Variants in KIF26B observed in about 807,000 individuals in gnomAD.
KIF26B encodes the protein kinesin-like protein KIF26B.
KIF26B carries 63 observed loss-of-function variants against 151.2 expected under a neutral mutation model. The observed-to-expected ratio is 0.42, with a 90% CI of 0.34 to 0.51. The LOEUF (loss-of-function observed/expected upper bound fraction) is 0.51. Ranked by LOEUF, KIF26B falls within the 20% of genes least tolerant of loss-of-function variation. The pLI, the probability that KIF26B is intolerant of heterozygous loss-of-function variation, is 0.07. For missense variants in KIF26B, 2,813 were observed against 2,913.6 expected (o/e 0.97, Z 0.79); for synonymous variants, 1,357 against 1,262.1 (o/e 1.08, Z -1.59).
chr1:245,636,872 G>A (rs887339810), intron 9 of KIF26B, among the ~76,000 whole-genome samples: 4 of 151,716 alleles, frequency 2.6e-5, no homozygotes, highest in African/African-American at 4.8e-5. Context: ...GTGTGTGTGT[G>A]TGTGTGTGTG....
At chr1:245,613,432 G>C (rs1030839671) in intron 9 of KIF26B, among the ~76,000 whole-genome samples, 1 of 151,886 alleles carries the variant, frequency 6.6e-6, no homozygotes, top group Non-Finnish European at 1.5e-5. Context: ...GAGAAACCCC[G>C]TCTCTACTAA....
At chr1:245,390,107 C>T (rs1023200065) in intron 3 of KIF26B, among the ~76,000 whole-genome samples, 1 of 148,300 alleles carries the variant, frequency 6.7e-6, no homozygotes, top group African/African-American at 2.5e-5. Flanking sequence ...CAGCATGAAT[C>T]AAGGTGGTCA....
At chr1:245,505,646 A>T (rs1660716874) in intron 4 of KIF26B, among the ~76,000 whole-genome samples, 1 of 152,172 alleles carries the variant, frequency 6.6e-6, no homozygotes, top group Non-Finnish European at 1.5e-5. Flanking sequence ...CAGCCTCCCA[A>T]AGTTCTGGGA....
At chr1:245,664,274 G>A (rs922586830) in intron 10 of KIF26B, among the ~76,000 whole-genome samples, 1 of 151,210 alleles carries the variant, frequency 6.6e-6, no homozygotes, top group Non-Finnish European at 1.5e-5. Context: ...CAGGAGAATC[G>A]CTTGAACCCG....
intron 4 of KIF26B, among the ~76,000 whole-genome samples, chr1:245,513,254 G>C (rs989882170): frequency 2.2e-5 from 3 of 138,134 alleles, no homozygotes; most frequent in African/African-American, 8.2e-5. Flanking sequence ...ACGTGTTTTC[G>C]TGGAGGACCG....
intron 4 of KIF26B, among the ~76,000 whole-genome samples, chr1:245,464,924 G>A (rs1659745218): frequency 6.6e-6 from 1 of 152,098 alleles, no homozygotes; most frequent in South Asian, 2.1e-4. Flanking sequence ...GAGCCACGTG[G>A]ACACTGCTGC....
At chr1:245,598,786 C>T (rs1423148534) in intron 5 of KIF26B, among the ~76,000 whole-genome samples, 1 of 152,176 alleles carries the variant, frequency 6.6e-6, no homozygotes, top group African/African-American at 2.4e-5. Flanking sequence ...CAACAGCTGT[C>T]CCAATCCATC....
At chr1:245,585,349 T>C (rs1370474025) in intron 5 of KIF26B, among the ~76,000 whole-genome samples, 1 of 152,148 alleles carries the variant, frequency 6.6e-6, no homozygotes, top group African/African-American at 2.4e-5. Context: ...AGGTGGCCAA[T>C]TGCCTTATAA....
chr1:245,444,460 C>T (rs1269882746), intron 4 of KIF26B, among the ~76,000 whole-genome samples: 2 of 152,232 alleles, frequency 1.3e-5, no homozygotes, highest in African/African-American at 4.8e-5. Context: ...CAGGAGGCAG[C>T]GGGTGCTGAG....
intron 2 of KIF26B, among the ~76,000 whole-genome samples, chr1:245,169,578 A>G (rs972506458): frequency 7.0e-6 from 1 of 143,350 alleles, no homozygotes; most frequent in Non-Finnish European, 1.5e-5. Flanking sequence ...GGCAGCTCCT[A>G]GTCCTCCCAT....
intron 2 of KIF26B, among the ~76,000 whole-genome samples, chr1:245,254,738 G>A (rs573569134): frequency 2.2e-4 from 33 of 152,224 alleles, no homozygotes; most frequent in African/African-American, 7.2e-4. Flanking sequence ...CATGAGGCCC[G>A]TGTCCTTTGC....
chr1:245,296,176 T>C (rs978247177), intron 2 of KIF26B, among the ~76,000 whole-genome samples: 13 of 28,096 alleles, frequency 4.6e-4, no homozygotes, highest in African/African-American at 2.0e-3. Flanking sequence ...ACGTTTTGTC[T>C]TTTTTTTTTT....
intron 5 of KIF26B, among the ~76,000 whole-genome samples, chr1:245,581,468 G>T (rs142011405): frequency 6.6e-6 from 1 of 152,202 alleles, no homozygotes; most frequent in African/African-American, 2.4e-5. Context: ...AGAAGCTTGC[G>T]TGTGTTTGTT....
chr1:245,186,287 C>A (rs1414207197), intron 2 of KIF26B, among the ~76,000 whole-genome samples: 1 of 152,142 alleles, frequency 6.6e-6, no homozygotes, highest in Non-Finnish European at 1.5e-5. Context: ...TCTAGTGATG[C>A]CGGCTACAGC....
chr1:245,539,335 G>A (rs755450119), intron 4 of KIF26B, among the ~76,000 whole-genome samples: 5 of 152,176 alleles, frequency 3.3e-5, no homozygotes, highest in African/African-American at 4.8e-5. Context: ...GACCGGGGTC[G>A]GGGAGGGAGA....
chr1:245,600,107 T>C (rs1291701757), intron 5 of KIF26B, among the ~76,000 whole-genome samples: 2 of 141,902 alleles, frequency 1.4e-5, no homozygotes, highest in African/African-American at 5.4e-5. Flanking sequence ...GGCGTGATCT[T>C]GGCTCACCAC....
intron 5 of KIF26B, among the ~76,000 whole-genome samples, chr1:245,586,957 C>T (rs755281259): frequency 2.6e-5 from 4 of 152,006 alleles, no homozygotes; most frequent in Non-Finnish European, 5.9e-5. Context: ...GGCTATTTGC[C>T]GAGAACTTCT....
At chr1:245,277,092 C>T (rs1573747779) in intron 2 of KIF26B, among the ~76,000 whole-genome samples, 1 of 152,152 alleles carries the variant, frequency 6.6e-6, no homozygotes, top group East Asian at 1.9e-4. Context: ...CACCAGCAGA[C>T]ACTAGGAGAG....
chr1:245,644,665 C>T (rs535178130), intron 9 of KIF26B, among the ~76,000 whole-genome samples: 1 of 152,284 alleles, frequency 6.6e-6, no homozygotes, highest in South Asian at 2.1e-4. Context: ...GGTATTCAAC[C>T]CAATGCCCTG....
Sources: gnomAD v4.1 joint callset for allele counts (sites outside exome capture counted in the v4.1 genomes callset) on GRCh38, gnomAD v4.1.1 for gene constraint, MANE v1.5 for transcripts, NCBI Gene and HGNC (gene_info 2026-07-23, HGNC 2026-07-21) for gene names.